MED25: variants seen among roughly 807,000 people sequenced by gnomAD.
MED25 encodes mediator of RNA polymerase II transcription subunit 25.
A neutral mutation model predicts 89.4 loss-of-function variants in MED25; 62 were observed. The observed-to-expected ratio is 0.69, with a 90% CI of 0.57 to 0.86. The LOEUF is 0.86. Ranked by LOEUF, MED25 falls within the 40% of genes least tolerant of loss-of-function variation. The probability of loss-of-function intolerance (pLI) is 0.00; values close to 1 mark genes in which losing one functional copy is unlikely to be tolerated. For missense variants in MED25, 905 were observed against 1,005.2 expected (o/e 0.90, Z 1.35); for synonymous variants, 449 against 427.9 (o/e 1.05, Z -0.61).
intron 3 of MED25, among the ~76,000 whole-genome samples, chr19:49,827,460 GC>G (rs879864750): frequency 5.3e-5 from 8 of 152,114 alleles, no homozygotes; most frequent in Middle Eastern, 3.2e-3. Context: ...CAGGGGAAGG[GC>G]CCTTCTGCCT....
At position 49,819,139 on chromosome 19, in the gene MED25, C is replaced by T. The variant is rs370168306; in HGVS notation, c.181-33C>T. The T allele has an allele frequency of 8.9e-5, 144 of 1,613,774 alleles. No homozygotes were observed. In the African/African-American group the frequency reaches 1.8e-3, roughly 20 times the overall value. On this transcript the variant is annotated intron_variant, in intron 2 of 17. Transcript: ENST00000312865. ...TCTAAGGGAAAAGGGAATTGAGGTC[C>T]CAGATTAAAAGTTTTCTGTCCTCCC...
rs2074031058 is a variant in MED25, at chr19:49,828,555, C to T, written c.404+8C>T. 1.2e-6 allele frequency: 2 copies of T among 1,605,668 alleles called. No homozygotes were observed. Among genetic ancestry groups the T allele is most frequent in the Admixed American group, 1.7e-5 (1 of 60,014 alleles). On this transcript the variant is annotated splice_region_variant and intron_variant, in intron 4 of 17. Coordinates refer to ENST00000312865, the MANE Select transcript of MED25 (RefSeq NM_030973.4). ...GAAGATGCGCGAGCAGATGTGAGTGCCCCCTCCACCCAGGCCGGGCCGGTC... is the reference window on the plus strand; with the variant it reads ...GAAGATGCGCGAGCAGATGTGAGTGTCCCCTCCACCCAGGCCGGGCCGGTC...
rs1184393042 is a variant in MED25, at chr19:49,835,737, G to A, written c.1757G>A (p.Arg586His). Residue 586 changes from arginine (R) to histidine (H), a missense_variant, in exon 16 of 18, where the codon CGC becomes CAC. Transcript: ENST00000312865. This position sits in a 1 kb window ranked among gnomAD's most constrained non-coding sequence, Gnocchi z 6.2. ...GTCTCTTCCCACCAGCTCCAGCTCC[G>A]CCCACCGCAGCCCCAGCCTCAGGGT... ...ARPSQNLLQL[R>H]PPQPQPQGTV... 9 of 1,609,620 alleles carry A rather than the reference G, an allele frequency of 5.6e-6. No homozygotes were observed. Among genetic ancestry groups the A allele is most frequent in the East Asian group, 4.5e-5 (2 of 44,680 alleles).
At position 49,835,278 on chromosome 19, in the gene MED25, C is replaced by A; in HGVS notation, c.1674+101C>A. On this transcript the variant is annotated intron_variant, in intron 14 of 17. Transcript: ENST00000312865. The surrounding 1 kb of genome is among the most constrained non-coding windows in gnomAD (Gnocchi z 6.2). Reference sequence around the variant, plus strand: ...AGGACCAAGATGCCCACCCTTCTCCCAATATGTGGTGCCTCCAAGCTAAGT... The same window carrying A: ...AGGACCAAGATGCCCACCCTTCTCCAAATATGTGGTGCCTCCAAGCTAAGT... 1 of 1,300,822 alleles carries A rather than the reference C, an allele frequency of 7.7e-7. No individual in the cohort carries two copies. The highest frequency in any genetic ancestry group is 1.1e-6 in the Non-Finnish European group (1 of 897,466). 80.6% of individuals were successfully genotyped at this position (1,300,822 alleles called of 1,614,324 possible). A position where few individuals can be genotyped will look rare whatever the true frequency, so the allele number is the denominator to read the frequency against.
At position 49,834,981 on chromosome 19, in the gene MED25, C is replaced by G. The variant is rs896391750; in HGVS notation, c.1483-5C>G. 1 of 1,613,894 alleles carries G rather than the reference C, an allele frequency of 6.2e-7. No individual in the cohort carries two copies. Among genetic ancestry groups the G allele is most frequent in the Admixed American group, 1.7e-5 (1 of 60,018 alleles). On this transcript the variant is annotated splice_region_variant and splice_polypyrimidine_tract_variant and intron_variant, in intron 13 of 17. Coordinates refer to ENST00000312865, the MANE Select transcript of MED25 (RefSeq NM_030973.4). This position sits in a 1 kb window ranked among gnomAD's most constrained non-coding sequence, Gnocchi z 4.1. Reference sequence around the variant, plus strand: ...AATGGTTCTGAAGAGCTGTTGTCCACCCAGGCGGGCTGCGTGCACTTCCCC... The same window carrying G: ...AATGGTTCTGAAGAGCTGTTGTCCAGCCAGGCGGGCTGCGTGCACTTCCCC...
At chr19:49,832,750 C>G (rs1383630765) in intron 13 of MED25, 1 of 390,836 alleles carries the variant, frequency 2.6e-6, no homozygotes, top group African/African-American at 2.1e-5. Context: ...GGGCTTAAAA[C>G]AACAGAAACG....
rs1555802298 is a variant in MED25 at position 49,830,827 on chromosome 19, C to T, written c.1041C>T (p.Val347=). The stretch of plus-strand genomic sequence containing the variant: ...CACCTGCTTCCCAGCCCAGTCTGGT[C>T]TCCACTGTGGCCCCTGGCTCCGGCC... ...KPPPASQPSL[V]STVAPGSGLA... is the part of the protein sequence containing the mutation. Residue 347 remains valine, a synonymous_variant, in exon 9 of 18, where the codon GTC becomes GTT. Coordinates refer to ENST00000312865, the MANE Select transcript of MED25 (RefSeq NM_030973.4). The surrounding 1 kb of genome is among the most constrained non-coding windows in gnomAD (Gnocchi z 4.6). 6.2e-7 allele frequency: 1 copy of T among 1,613,286 alleles called. No individual in the cohort carries two copies.
intron 3 of MED25, chr19:49,819,498 C>A: frequency 1.6e-6 from 1 of 611,586 alleles, no homozygotes; most frequent in Non-Finnish European, 2.9e-6. Context: ...TGAGCGATGG[C>A]TTGGGTTTGA....
Position 49,828,443 on chromosome 19 carries a change from C to T in MED25, c.306-6C>T, listed in dbSNP as rs780763986. ...ACCCTGGGGGCTGACCGCTCTGCCCCTGCAGGTTCATGGGCGGGGGTGGTG... is the reference window on the plus strand; with the variant it reads ...ACCCTGGGGGCTGACCGCTCTGCCCTTGCAGGTTCATGGGCGGGGGTGGTG... On this transcript the variant is annotated splice_region_variant and splice_polypyrimidine_tract_variant and intron_variant, in intron 3 of 17. Coordinates refer to ENST00000312865, the MANE Select transcript of MED25 (RefSeq NM_030973.4). 1 of 1,608,828 alleles carries T rather than the reference C, an allele frequency of 6.2e-7. No individual in the cohort carries two copies. The highest frequency in any genetic ancestry group is 8.5e-7 in the Non-Finnish European group (1 of 1,175,442).
In MED25 at chr19:49,830,083, C is replaced by T. The variant is rs1365007303; in HGVS notation, c.689-5C>T. On this transcript the variant is annotated splice_polypyrimidine_tract_variant and splice_region_variant and intron_variant, in intron 6 of 17. Coordinates refer to ENST00000312865, the MANE Select transcript of MED25 (RefSeq NM_030973.4). The surrounding 1 kb of genome is among the most constrained non-coding windows in gnomAD (Gnocchi z 4.6). ...TCTGGGGTTGGCCATCCCTCCTGCT[C>T]TCAGTTGGGGGTGGCTCAGCCCCAG... is the stretch of plus-strand genomic sequence containing the variant. 1.9e-6 allele frequency: 3 copies of T among 1,605,700 alleles called. No individual in the cohort carries two copies. The Admixed American group carries it at 5.0e-5, about 27-fold the overall frequency.
chr19:49,837,093 C>T (rs1009007743), downstream of MED25: 39 of 731,024 alleles, frequency 5.3e-5, no homozygotes, highest in Middle Eastern at 5.1e-4. Flanking sequence ...GGGTGAATGA[C>T]GCTGGGGCCT....
downstream of MED25, chr19:49,839,938 T>C (rs1429977015): frequency 6.6e-6 from 1 of 152,222 alleles, no homozygotes; most frequent in East Asian, 1.9e-4. Flanking sequence ...GTAATTGAAC[T>C]ACAGTGCAAT....
downstream of MED25, chr19:49,836,985 C>T (rs558719879): frequency 2.0e-5 from 30 of 1,488,610 alleles, no homozygotes; most frequent in African/African-American, 5.5e-5. The surrounding 1 kb of genome is among the most constrained non-coding windows in gnomAD (Gnocchi z 5.1). Flanking sequence ...ACACACGCCC[C>T]GGCTCCCGTC....
downstream of MED25, chr19:49,839,947 A>C (rs529556233): frequency 6.6e-6 from 1 of 152,270 alleles, no homozygotes; most frequent in African/African-American, 2.4e-5. Context: ...CTACAGTGCA[A>C]TACGGCGCTG....
intron 2 of MED25, chr19:49,818,874 A>T: frequency 3.6e-6 from 2 of 554,962 alleles, no homozygotes; most frequent in African/African-American, 2.1e-5. Context: ...TGAGGGAGGA[A>T]GGGCTGGGCG....
At chr19:49,818,497 C>T in intron 1 of MED25, 22 bp downstream of exon 1, 5 of 1,614,244 alleles carry the variant, frequency 3.1e-6, no homozygotes, top group Non-Finnish European at 4.2e-6. Context: ...TTCCGCGACT[C>T]TAACCCCGCC....
rs574658033 is a variant in MED25 at position 49,832,833 on chromosome 19, T to C, written c.1482+418T>C. 4.7e-5 allele frequency: 14 copies of C among 298,588 alleles called. 1 individual carries two copies. The highest frequency in any genetic ancestry group is 4.4e-4 in the South Asian group (14 of 32,060). The allele number at this position is 298,588 out of a possible 1,614,324, so 18.5% of individuals were successfully genotyped here. On this transcript the variant is annotated intron_variant, in intron 13 of 17. Coordinates refer to ENST00000312865, the MANE Select transcript of MED25 (RefSeq NM_030973.4). The stretch of plus-strand genomic sequence containing the variant: ...GCAGGGCCACGCTCTCTCTAGAGGC[T>C]GGAGGGAAGGCCTCTTCGTTGCCTC...
At chr19:49,827,440 T>A (rs1448867479) in intron 3 of MED25, among the ~76,000 whole-genome samples, 1 of 152,136 alleles carries the variant, frequency 6.6e-6, no homozygotes, top group Non-Finnish European at 1.5e-5. Context: ...AGGCTGTCTC[T>A]GAAATCTTAC....
In MED25 at chr19:49,831,230, G is replaced by C. The variant is rs2074054428; in HGVS notation, c.1102-103G>C. 1 of 1,298,360 alleles carries C rather than the reference G, an allele frequency of 7.7e-7. No individual in the cohort carries two copies. The highest frequency in any genetic ancestry group is 1.3e-5 in the South Asian group (1 of 75,510). 80.4% of individuals were successfully genotyped at this position (1,298,360 alleles called of 1,614,324 possible). On this transcript the variant is annotated intron_variant, in intron 9 of 17. Transcript: ENST00000312865. This position sits in a 1 kb window ranked among gnomAD's most constrained non-coding sequence, Gnocchi z 5.0. ...GTGCTGTTCTGGGGATGGAGGGGCA[G>C]AAGAAGGGATCTTTCCTCCTTCCTG...
Sources: allele counts gnomAD v4.1 joint callset (sites outside exome capture counted in the v4.1 genomes callset), GRCh38; gene constraint gnomAD v4.1.1; non-coding constraint Gnocchi (gnomAD v3.1); transcripts MANE v1.5; gene names NCBI Gene and HGNC (gene_info 2026-07-23, HGNC 2026-07-21).